Variants in CPHXL2 observed in about 807,000 individuals in gnomAD.
CPHXL2 encodes the protein cytoplasmic polyadenylated homeobox like 2, also known as cytoplasmic polyadenylated homeobox-like protein 2.
At chr16:75,662,561 G>T in the CPHXL2 span, among the ~76,000 whole-genome samples, 16,507 of 151,854 alleles carry the variant, frequency 0.11, 1,774 homozygotes, top group African/African-American at 0.28. Flanking sequence ...AAAAGACATA[G>T]CTTTGGAGAT....
the CPHXL2 span, among the ~76,000 whole-genome samples, chr16:75,667,557 G>A: frequency 6.6e-6 from 1 of 152,076 alleles, no homozygotes; most frequent in Non-Finnish European, 1.5e-5. Context: ...TGATTAACAG[G>A]CATTTTCTCA....
chr16:75,674,229 C>T, the CPHXL2 span, among the ~76,000 whole-genome samples: 11 of 150,430 alleles, frequency 7.3e-5, no homozygotes, highest in African/African-American at 1.2e-4. Context: ...AAAAATTAGC[C>T]GGGTGTGGTG....
At chr16:75,666,789 C>T in the CPHXL2 span, among the ~76,000 whole-genome samples, 1 of 152,074 alleles carries the variant, frequency 6.6e-6, no homozygotes, top group Non-Finnish European at 1.5e-5. Context: ...TTCTATTAAT[C>T]AGCACATGGA....
At chr16:75,674,156 G>GA in the CPHXL2 span, among the ~76,000 whole-genome samples, 1 of 151,680 alleles carries the variant, frequency 6.6e-6, no homozygotes, top group African/African-American at 2.4e-5. Context: ...GGTGGATCAA[G>GA]AGGTCAGGAG....
the CPHXL2 span, chr16:75,661,188 G>C: frequency 2.5e-6 from 1 of 400,694 alleles, no homozygotes; most frequent in Admixed American, 4.4e-5. Flanking sequence ...TTTTTTCCAA[G>C]TAAGAAATAT....
At chr16:75,675,933 G>T in the CPHXL2 span, among the ~76,000 whole-genome samples, 1 of 152,086 alleles carries the variant, frequency 6.6e-6, no homozygotes, top group Non-Finnish European at 1.5e-5. Flanking sequence ...ACTAAAATTA[G>T]CTGGGTGTGG....
At chr16:75,661,165 C>G in the CPHXL2 span, 1 of 400,814 alleles carries the variant, frequency 2.5e-6, no homozygotes. Context: ...CAGGCTTGGA[C>G]TGGGAAATCG....
chr16:75,670,514 G>A, the CPHXL2 span, among the ~76,000 whole-genome samples: 1 of 152,126 alleles, frequency 6.6e-6, no homozygotes, highest in Non-Finnish European at 1.5e-5. Context: ...AAAGTTTATT[G>A]ATTTGTTTAT....
At chr16:75,675,731 C>G in the CPHXL2 span, among the ~76,000 whole-genome samples, 2 of 152,126 alleles carry the variant, frequency 1.3e-5, no homozygotes, top group Non-Finnish European at 2.9e-5. Flanking sequence ...TCTGGGTGCT[C>G]TTTGCTGTAG....
chr16:75,674,919 G>A, the CPHXL2 span, among the ~76,000 whole-genome samples: 2 of 151,632 alleles, frequency 1.3e-5, no homozygotes, highest in African/African-American at 4.8e-5. Flanking sequence ...CACCGGGTGC[G>A]GTGGCTCACG....
chr16:75,671,332 A>G, the CPHXL2 span, among the ~76,000 whole-genome samples: 1 of 147,002 alleles, frequency 6.8e-6, no homozygotes, highest in African/African-American at 2.6e-5. Flanking sequence ...ACTCTACTCC[A>G]GCCTGAGTGA....
At chr16:75,664,729 C>A in the CPHXL2 span, among the ~76,000 whole-genome samples, 1 of 151,880 alleles carries the variant, frequency 6.6e-6, no homozygotes, top group South Asian at 2.1e-4. Flanking sequence ...GTGATTGGAT[C>A]ACAAGGACTT....
chr16:75,661,616 C>T, the CPHXL2 span, among the ~76,000 whole-genome samples: 2 of 151,864 alleles, frequency 1.3e-5, no homozygotes, highest in African/African-American at 4.8e-5. Flanking sequence ...TCCCAGCTGT[C>T]CCACCTAGAC....
chr16:75,670,022 C>G, the CPHXL2 span, among the ~76,000 whole-genome samples: 2 of 151,870 alleles, frequency 1.3e-5, no homozygotes, highest in Non-Finnish European at 2.9e-5. Context: ...TCAAGCAATT[C>G]TCCTGCCTCA....
At chr16:75,668,568 A>G in the CPHXL2 span, among the ~76,000 whole-genome samples, 6 of 152,060 alleles carry the variant, frequency 3.9e-5, no homozygotes, top group Non-Finnish European at 8.8e-5. Context: ...TTTTCTCTCA[A>G]ATTGGTTCTG....
At chr16:75,669,496 G>C in the CPHXL2 span, 2 of 399,932 alleles carry the variant, frequency 5.0e-6, no homozygotes, top group Non-Finnish European at 4.4e-6. Context: ...TCGGTGTTTT[G>C]TTTTTCTTTT....
chr16:75,676,460 A>G, the CPHXL2 span, among the ~76,000 whole-genome samples: 2 of 152,102 alleles, frequency 1.3e-5, no homozygotes, highest in Admixed American at 6.6e-5. Context: ...AAGTAGCTGG[A>G]ACTACAGGCA....
chr16:75,661,208 T>C, the CPHXL2 span: 1 of 400,844 alleles, frequency 2.5e-6, no homozygotes, highest in Non-Finnish European at 4.4e-6. Flanking sequence ...TTCTTTGTCT[T>C]TCTTCCGGTG....
chr16:75,674,229 C>CGGGG, the CPHXL2 span, among the ~76,000 whole-genome samples: 4 of 150,318 alleles, frequency 2.7e-5, no homozygotes, highest in African/African-American at 9.8e-5. Context: ...AAAAATTAGC[C>CGGGG]GGGTGTGGTG....
Sources: gnomAD v4.1 joint callset for allele counts (sites outside exome capture counted in the v4.1 genomes callset) on GRCh38, gnomAD v4.1.1 for gene constraint, MANE v1.5 for transcripts, NCBI Gene and HGNC (gene_info 2026-07-23, HGNC 2026-07-21) for gene names.